Variants in NRAP observed in about 807,000 individuals in gnomAD.
NRAP encodes the protein nebulin-related-anchoring protein.
A neutral mutation model predicts 225.9 loss-of-function variants in NRAP; 189 were observed. That is an observed-to-expected ratio of 0.84 (90% confidence interval 0.74 to 0.94). The LOEUF (loss-of-function observed/expected upper bound fraction) is 0.94. NRAP is among the 40% of genes least tolerant of loss of function. The probability of loss-of-function intolerance (pLI) is 0.00; values close to 1 mark genes in which losing one functional copy is unlikely to be tolerated. For missense variants in NRAP, 2,176 were observed against 2,168.7 expected (o/e 1.00, Z -0.07); for synonymous variants, 769 against 790.7 (o/e 0.97, Z 0.46).
At chr10:113,608,544 A>G (rs926349562) in intron 31 of NRAP, 32 bp from the exon 32 acceptor site, 2 of 1,386,712 alleles carry the variant, frequency 1.4e-6, no homozygotes, top group Non-Finnish European at 2.0e-6. Context: ...GAAGAAGACG[A>G]CTCCGTAAGG....
chr10:113,641,250 C>G, intron 13 of NRAP, 115 bp downstream of exon 13: 2 of 650,724 alleles, frequency 3.1e-6, no homozygotes, highest in East Asian at 2.7e-5. Flanking sequence ...AGTCTTTACA[C>G]AGTCTTTAAA....
chr10:113,647,706 G>GTGGTACTGCCTTCCCCAA (rs1849660403), intron 9 of NRAP, among the ~76,000 whole-genome samples: 1 of 152,110 alleles, frequency 6.6e-6, no homozygotes, highest in Non-Finnish European at 1.5e-5. Flanking sequence ...GTCTCCCCCA[G>GTGGTACTGCCTTCCCCAA]TGGTACTGCC....
Position 113,603,916 on chromosome 10 carries a change from A to G in NRAP, c.4227+693T>C, listed in dbSNP as rs192398123. Reference sequence around the variant, plus strand: ...CGCACACACACACACGCACACTCACACCTCCTGCCCCACTTCCCTGCTCTA... The same window carrying G: ...CGCACACACACACACGCACACTCACGCCTCCTGCCCCACTTCCCTGCTCTA... On this transcript the variant is annotated intron_variant, in intron 35 of 41. Transcript: ENST00000359988. Among the ~76,000 whole-genome samples the G allele has an allele frequency of 1.3e-3, 203 of 151,942 alleles. 1 individual carries two copies. Among genetic ancestry groups the G allele is most frequent in the Middle Eastern group, 6.8e-3 (2 of 292 alleles).
intron 38 of NRAP, among the ~76,000 whole-genome samples, chr10:113,593,804 C>T (rs1220304385): frequency 1.3e-5 from 2 of 152,190 alleles, no homozygotes; most frequent in South Asian, 2.1e-4. Context: ...TAAGAATGCC[C>T]GCACCAGATC....
intron 4 of NRAP, among the ~76,000 whole-genome samples, chr10:113,655,861 T>C (rs1850277878): frequency 6.6e-6 from 1 of 152,090 alleles, no homozygotes; most frequent in Non-Finnish European, 1.5e-5. Flanking sequence ...AATACACACT[T>C]CACAACAATG....
chr10:113,651,954 C>T (rs1850002163), intron 6 of NRAP, 47 bp from the exon 7 acceptor site: 1 of 1,131,122 alleles, frequency 8.8e-7, no homozygotes, highest in Non-Finnish European at 1.4e-6. Context: ...CTCACAGCCT[C>T]CTCAGTGACC....
chr10:113,623,345 G>T (rs1848105513), intron 23 of NRAP, among the ~76,000 whole-genome samples, 184 bp downstream of exon 23: 1 of 152,214 alleles, frequency 6.6e-6, no homozygotes, highest in African/African-American at 2.4e-5. Context: ...GTGGCAAGCA[G>T]TTATTAAATA....
chr10:113,588,729 A>C lies in NRAP; in HGVS notation c.*246T>G, dbSNP rs1023865351. The C allele has an allele frequency of 4.5e-5, 25 of 554,576 alleles. No individual in the cohort carries two copies. The highest frequency in any genetic ancestry group is 7.0e-5 in the Non-Finnish European group (22 of 315,022). 34.4% of individuals were successfully genotyped at this position (554,576 alleles called of 1,614,324 possible). On this transcript the variant is annotated 3_prime_UTR_variant, in exon 42 of 42. Coordinates refer to ENST00000359988, the MANE Select transcript of NRAP (RefSeq NM_198060.4). Reference sequence around the variant, plus strand: ...ATCCCCAGCATCAGCGGGAACCACCATCACATCTTTATTCCTCAGCCCAGA... The same window carrying C: ...ATCCCCAGCATCAGCGGGAACCACCCTCACATCTTTATTCCTCAGCCCAGA...
rs762456819 is a variant in NRAP, at chr10:113,595,717, C to G, written c.4442G>C (p.Arg1481Thr). Residue 1481 changes from arginine (R) to threonine (T), a missense_variant, in exon 38 of 42, where the codon AGA (arginine) becomes ACA (threonine). This residue lies in a region of NRAP where 445 missense variants were observed against 426.1 expected (regional missense o/e 1.04). Coordinates refer to ENST00000359988, the MANE Select transcript of NRAP (RefSeq NM_198060.4). ...GTGCAGGGATTCTGCATCTCCAGAT[C>G]TATACATGCGCTGTAGATAAGATGG... ...SYMHCNERMYRSGDAESLHRY... is the reference protein window; with the variant it reads ...SYMHCNERMYTSGDAESLHRY... 4 of 1,609,214 alleles carry G rather than the reference C, an allele frequency of 2.5e-6. No homozygotes were observed. The highest frequency in any genetic ancestry group is 3.4e-6 in the Non-Finnish European group (4 of 1,175,570).
At chr10:113,627,931 A>G (rs1239919945) in intron 20 of NRAP, among the ~76,000 whole-genome samples, 1 of 152,218 alleles carries the variant, frequency 6.6e-6, no homozygotes, top group African/African-American at 2.4e-5. Flanking sequence ...CAGCCCTTAA[A>G]TGGCAGCTAT....
chr10:113,629,161 T>G (rs151035055), intron 19 of NRAP, 140 bp from the exon 20 acceptor site: 92 of 700,460 alleles, frequency 1.3e-4, no homozygotes, highest in Middle Eastern at 1.2e-3. Context: ...GTCAGGCAGA[T>G]CTCCACTTGG....
At chr10:113,660,455 G>C (rs1850606047) in intron 3 of NRAP, among the ~76,000 whole-genome samples, 1 of 152,128 alleles carries the variant, frequency 6.6e-6, no homozygotes, top group African/African-American at 2.4e-5. Context: ...TTCCTGGGAA[G>C]CTCACATCAC....
rs3121489 is a variant in NRAP at position 113,653,798 on chromosome 10, A to C, written c.465+223T>G. Among the ~76,000 whole-genome samples the C allele has an allele frequency of 0.88, 133,134 of 152,076 alleles. 58,362 individuals carry two copies. The highest frequency in any genetic ancestry group is 0.91 in the East Asian group (4,685 of 5,174). On this transcript the variant is annotated intron_variant, in intron 5 of 41. Coordinates refer to ENST00000359988, the MANE Select transcript of NRAP (RefSeq NM_198060.4). ...TGCCTTTTCCAGCTTCTAGAGGCCC[A>C]CACATTTCTAGTTCCTGCCCTACAT...
At chr10:113,612,202 G>C (rs753529149) in intron 30 of NRAP, 32 bp downstream of exon 30, 2 of 1,586,682 alleles carry the variant, frequency 1.3e-6, no homozygotes, top group South Asian at 2.2e-5. Context: ...AAGAGAAGAA[G>C]GGGCCCTGAG....
intron 20 of NRAP, among the ~76,000 whole-genome samples, chr10:113,628,409 C>T (rs928639651): frequency 2.6e-5 from 4 of 152,060 alleles, no homozygotes. Context: ...AGGATGGTCT[C>T]GATCTCCTGA....
chr10:113,647,932 T>C (rs1163190529), intron 9 of NRAP, among the ~76,000 whole-genome samples: 1 of 152,252 alleles, frequency 6.6e-6, no homozygotes, highest in Non-Finnish European at 1.5e-5. Context: ...CATGACACTG[T>C]CATCACATGA....
chr10:113,616,660 A>G (rs1166045027), intron 26 of NRAP, among the ~76,000 whole-genome samples: 2 of 152,194 alleles, frequency 1.3e-5, no homozygotes, highest in Non-Finnish European at 2.9e-5. Context: ...AATAAAGCGC[A>G]ACCAGAATCA....
chr10:113,644,755 G>A (rs1849402112), intron 11 of NRAP, among the ~76,000 whole-genome samples: 1 of 152,132 alleles, frequency 6.6e-6, no homozygotes, highest in South Asian at 2.1e-4. Flanking sequence ...AACAGTTTAG[G>A]GTAAAGGACC....
chr10:113,621,334 C>CACACA (rs906117019), intron 24 of NRAP, among the ~76,000 whole-genome samples: 2 of 152,028 alleles, frequency 1.3e-5, no homozygotes, highest in African/African-American at 4.8e-5. Context: ...CACACACACA[C>CACACA]ACACACAACC....
Sources: allele counts gnomAD v4.1 joint callset (sites outside exome capture counted in the v4.1 genomes callset), GRCh38; gene constraint gnomAD v4.1.1; regional missense constraint gnomAD v4.1.1; transcripts MANE v1.5; gene names NCBI Gene and HGNC (gene_info 2026-07-23, HGNC 2026-07-21).